SYDE2: variants seen among roughly 807,000 people sequenced by gnomAD.
SYDE2 encodes the protein synapse defective Rho GTPase homolog 2, also known as rho GTPase-activating protein SYDE2.
In SYDE2, 76 loss-of-function variants were observed where a neutral mutation model predicts 91.5. The ratio of observed to expected loss-of-function variants is 0.83; its 90% CI spans 0.69 to 1.01. SYDE2 has a LOEUF of 1.01. Ranked by LOEUF, SYDE2 falls within the 50% of genes least tolerant of loss-of-function variation. SYDE2 has a pLI of 0.00. For synonymous variants in SYDE2, 513 were observed against 506.4 expected (o/e 1.01, Z -0.18); for missense variants, 1,364 against 1,367.7 (o/e 1.00, Z 0.04).
At chr1:85,189,300 T>A (rs1658268822) in intron 2 of SYDE2, among the ~76,000 whole-genome samples, 1 of 152,202 alleles carries the variant, frequency 6.6e-6, no homozygotes, top group African/African-American at 2.4e-5. Flanking sequence ...ACTTCTCATT[T>A]CTTTCTCTCT....
intron 6 of SYDE2, among the ~76,000 whole-genome samples, chr1:85,164,091 A>G (rs1657176309): frequency 6.6e-6 from 1 of 152,248 alleles, no homozygotes; most frequent in East Asian, 1.9e-4. Flanking sequence ...TGAGAAGAGT[A>G]AATAAATTAG....
At chr1:85,164,895 T>C (rs1657207665) in intron 5 of SYDE2, 138 bp from the exon 6 acceptor site, 2 of 505,514 alleles carry the variant, frequency 4.0e-6, no homozygotes, top group Non-Finnish European at 6.5e-6. Context: ...AATTGGATGT[T>C]TGGAACCTAG....
intron 6 of SYDE2, chr1:85,160,851 T>G: frequency 7.1e-6 from 7 of 985,460 alleles, no homozygotes; most frequent in Non-Finnish European, 8.4e-6. Context: ...AAATCCAGAT[T>G]CATTTTGTTG....
At chr1:85,167,892 T>A (rs999449756) in intron 5 of SYDE2, among the ~76,000 whole-genome samples, 2 of 152,040 alleles carry the variant, frequency 1.3e-5, no homozygotes, top group African/African-American at 4.8e-5. Context: ...GGTGGGCAGA[T>A]CACTGGAGGT....
chr1:85,190,298 A>G lies in SYDE2; in HGVS notation c.1200T>C (p.Pro400=), dbSNP rs1380081888. 4.3e-6 allele frequency: 7 copies of G among 1,613,872 alleles called. No homozygotes were observed. The African/African-American group carries it at 8.0e-5, about 18-fold the overall frequency. Residue 400 remains proline (P), a synonymous_variant, in exon 2 of 7, where the codon CCT becomes CCC. Transcript: ENST00000341460. ...CAGACAACATGCTCAAATTGACAGC[A>G]GGGAGCTTCAGAACAGCAGAGTCGG... ...GEADSAVLKL[P]AVNLSMLSGS... is the part of the protein sequence containing the mutation.
chr1:85,195,077 G>T (rs138014784), intron 1 of SYDE2, among the ~76,000 whole-genome samples: 1 of 151,726 alleles, frequency 6.6e-6, no homozygotes, highest in Non-Finnish European at 1.5e-5. Context: ...GGAGAATGGC[G>T]TGAACCCGCG....
chr1:85,169,165 TC>T lies in SYDE2; in HGVS notation c.2731del (p.Glu911ArgfsTer4). 6.2e-7 allele frequency: 1 copy of T among 1,613,864 alleles called. No homozygotes were observed. The highest frequency in any genetic ancestry group is 8.5e-7 in the Non-Finnish European group (1 of 1,179,794). On this transcript the variant is annotated frameshift_variant, in exon 5 of 7. Transcript: ENST00000341460. LOFTEE classifies it high-confidence loss of function. ...PSPLITKQLY[E>X]AVLDAMAKSP... ...TTTTGCCATTGCATCTAATACAGCC[TC>T]ATAAAGCTGCTTTGTTATCAGAGGA...
Position 85,158,867 on chromosome 1 carries a change from T to C in SYDE2, c.3468A>G (p.Thr1156=). 3.8e-6 allele frequency: 3 copies of C among 779,898 alleles called. No homozygotes were observed. Among genetic ancestry groups the C allele is most frequent in the Non-Finnish European group, 7.2e-6 (3 of 417,722 alleles). The allele number at this position is 779,898 out of a possible 1,614,324, so 48.3% of individuals were successfully genotyped here. ...CTFQTYLTMQ[T]VESTVDRKNN... ...TTTTTCGATCCACTGTAGACTCAACTGTCTGCATTGTCAAATATGTCTGAA... is the reference window on the plus strand; with the variant it reads ...TTTTTCGATCCACTGTAGACTCAACCGTCTGCATTGTCAAATATGTCTGAA... The change falls in exon 7 of 7, where the codon ACA becomes ACG. Residue 1156 remains threonine (T), a synonymous_variant. Transcript: ENST00000341460.
intron 2 of SYDE2, among the ~76,000 whole-genome samples, chr1:85,189,764 G>A (rs1658286564): frequency 6.6e-6 from 1 of 152,182 alleles, no homozygotes; most frequent in South Asian, 2.1e-4. Context: ...TGAGCCTGGA[G>A]GTCAAGGCTG....
rs765912633 is a variant in SYDE2 at position 85,178,124 on chromosome 1, T to C, written c.2671+22A>G. ...ATGTAGTCTTTCCAGAAAGAGTACA[T>C]AAAATAAAATCTATTTATTACCTGT... On this transcript the variant is annotated intron_variant, in intron 4 of 6. Coordinates refer to ENST00000341460, the MANE Select transcript of SYDE2 (RefSeq NM_032184.2). 27 of 1,529,438 alleles carry C rather than the reference T, an allele frequency of 1.8e-5. No individual in the cohort carries two copies. The South Asian group carries it at 2.6e-4, about 15-fold the overall frequency. The allele number at this position is 1,529,438 out of a possible 1,614,324, so 94.7% of individuals were successfully genotyped here.
Position 85,157,101 on chromosome 1 carries a change from G to C in SYDE2, c.*1649C>G, listed in dbSNP as rs1656900227. 6.6e-6 allele frequency: 1 copy of C among 151,340 alleles called. No individual in the cohort carries two copies. The highest frequency in any genetic ancestry group is 1.5e-5 in the Non-Finnish European group (1 of 67,796). The allele number at this position is 151,340 out of a possible 1,614,324, so 9.4% of individuals were successfully genotyped here. On this transcript the variant is annotated 3_prime_UTR_variant, in exon 7 of 7. Transcript: ENST00000341460. Reference sequence around the variant, plus strand: ...AAAATATTTATCTTTTTTAACAATGGGTTTTCAAATTAAATAATGTCTGTT... The same window carrying C: ...AAAATATTTATCTTTTTTAACAATGCGTTTTCAAATTAAATAATGTCTGTT...
chr1:85,184,880 TAAA>T (rs77543627), intron 2 of SYDE2, among the ~76,000 whole-genome samples: 1 of 135,552 alleles, frequency 7.4e-6, no homozygotes, highest in Non-Finnish European at 1.6e-5. Flanking sequence ...TACCCCGTCT[TAAA>T]AAAAAAAAAA....
chr1:85,160,399 G>GT (rs1657018228), intron 6 of SYDE2: 7 of 878,348 alleles, frequency 8.0e-6, no homozygotes, highest in African/African-American at 1.8e-5. Context: ...CTGTACACAG[G>GT]TATGTTTTTA....
chr1:85,200,114 C>T, intron 1 of SYDE2, 138 bp downstream of exon 1: 1 of 1,502,106 alleles, frequency 6.7e-7, no homozygotes, highest in Non-Finnish European at 8.8e-7. Flanking sequence ...CTTTAAGCTG[C>T]CACTTACATG....
chr1:85,159,970 T>C, intron 6 of SYDE2: 2 of 984,686 alleles, frequency 2.0e-6, no homozygotes, highest in Non-Finnish European at 2.4e-6. Context: ...AGAGTATGCA[T>C]TGTGCTAGCC....
chr1:85,190,077 A>T lies in SYDE2; in HGVS notation c.1421T>A (p.Met474Lys), dbSNP rs769281769. 2 of 1,604,350 alleles carry T rather than the reference A, an allele frequency of 1.2e-6. No individual in the cohort carries two copies. The highest frequency in any genetic ancestry group is 1.7e-6 in the Non-Finnish European group (2 of 1,173,756). The change falls in exon 2 of 7, where the codon ATG becomes AAG. Residue 474 changes from methionine to lysine, a missense_variant. Transcript: ENST00000341460. ...TTTACCTGCAAAAGGAGATTTCAAC[A>T]TGGGACTGTCCTCCACCATTATACC... ...QEGIMVEDSPMLKSPFAGSGI... is the reference protein window; with the variant it reads ...QEGIMVEDSPKLKSPFAGSGI...
In SYDE2 at chr1:85,182,756, A is replaced by C. The variant is rs781765809; in HGVS notation, c.1886T>G (p.Leu629Arg). 1 of 1,613,908 alleles carries C rather than the reference A, an allele frequency of 6.2e-7. No homozygotes were observed. Among genetic ancestry groups the C allele is most frequent in the Non-Finnish European group, 8.5e-7 (1 of 1,179,858 alleles). ...TCCATGTTTGCTAGCTTTAGTTGTA[A>C]GTTCAGGTGAGTCTCCATCACTAAG... The part of the protein sequence containing the change: ...GYLSDGDSPE[L>R]TTKASKHGSE... Residue 629 changes from leucine (L) to arginine (R), a missense_variant, in exon 3 of 7, where the codon CTT (leucine) becomes CGT (arginine). Leu to Arg is a moderately radical substitution (Grantham distance 102). Transcript: ENST00000341460.
intron 1 of SYDE2, among the ~76,000 whole-genome samples, chr1:85,191,072 A>G (rs1658347369): frequency 6.6e-6 from 1 of 152,106 alleles, no homozygotes; most frequent in Admixed American, 6.6e-5. Flanking sequence ...GTTTATCTAG[A>G]ATGCTTTATT....
rs2100653361 is a variant in SYDE2 at position 85,169,099 on chromosome 1, G to T, written c.2798C>A (p.Pro933Gln). The change falls in exon 5 of 7, where the codon CCA (proline) becomes CAA (glutamine). Residue 933 changes from proline (P) to glutamine (Q), a missense_variant. Pro to Gln is a moderately conservative substitution (Grantham distance 76, BLOSUM62 -1). Transcript: ENST00000341460. ...GTCAACAGTGTACTTAGAGTCACCT[G>T]GGTCATTCTCACAACCATTTGATGA... ...KMSSNGCEND[P>Q]GDSKYTVDLL... 6.2e-7 allele frequency: 1 copy of T among 1,613,818 alleles called. No homozygotes were observed. The highest frequency in any genetic ancestry group is 1.7e-4 in the Middle Eastern group (1 of 6,056).
Sources: allele counts gnomAD v4.1 joint callset (sites outside exome capture counted in the v4.1 genomes callset), GRCh38; gene constraint gnomAD v4.1.1; transcripts MANE v1.5; gene names NCBI Gene and HGNC (gene_info 2026-07-23, HGNC 2026-07-21).